The following CP variants were observed in gnomAD, a reference collection of about 807,000 sequenced individuals.
The protein encoded by CP is ceruloplasmin, also known as caeruloplasmin.
Under a neutral mutation model 122.4 loss-of-function variants are expected in CP, and 64 were observed. The observed-to-expected ratio is 0.52, with a 90% CI of 0.43 to 0.64. The LOEUF is 0.64. Among genes scored for constraint, CP ranks in the 30% least tolerant of loss-of-function variants. CP has a pLI of 0.00. For synonymous variants in CP, 440 were observed against 436.4 expected (o/e 1.01, Z -0.10); for missense variants, 1,167 against 1,284.4 (o/e 0.91, Z 1.40).
intron 3 of CP, among the ~76,000 whole-genome samples, chr3:149,209,594 G>C (rs1387629977): frequency 6.6e-6 from 1 of 152,152 alleles, no homozygotes; most frequent in Non-Finnish European, 1.5e-5. Flanking sequence ...TCCTGTGTCT[G>C]GATGTCCACT....
At chr3:149,164,864 A>G (rs1238965688) in intron 5 of CP, among the ~76,000 whole-genome samples, 1 of 152,146 alleles carries the variant, frequency 6.6e-6, no homozygotes, top group Non-Finnish European at 1.5e-5. Context: ...ATGCATCTTC[A>G]TCATTTGATT....
At chr3:149,168,928 T>C (rs552273699), downstream of CP, among the ~76,000 whole-genome samples, 2 of 152,284 alleles carry the variant, frequency 1.3e-5, no homozygotes, top group Admixed American at 6.5e-5. Flanking sequence ...CAGAAGACTC[T>C]TTCTTCATCC....
intron 9 of CP, among the ~76,000 whole-genome samples, chr3:149,189,423 G>A (rs1726396571): frequency 6.6e-6 from 1 of 150,630 alleles, no homozygotes; most frequent in Non-Finnish European, 1.5e-5. Flanking sequence ...GTGTGATGGC[G>A]GGCTCCTGTA....
intron 9 of CP, among the ~76,000 whole-genome samples, chr3:149,189,871 T>C (rs1157884519): frequency 6.6e-6 from 1 of 152,108 alleles, no homozygotes; most frequent in Non-Finnish European, 1.5e-5. Context: ...AAAAAGAATG[T>C]CATTTTTGAT....
chr3:149,181,976 A>AGGGGGGG, intron 14 of CP, 29 bp downstream of exon 14: 4 of 561,802 alleles, frequency 7.1e-6, no homozygotes, highest in Non-Finnish European at 1.3e-5. Context: ...GTTAAAATGC[A>AGGGGGGG]CCACCCCCAC....
intron 1 of CP, among the ~76,000 whole-genome samples, chr3:149,218,456 A>T (rs908556858): frequency 6.6e-6 from 1 of 152,118 alleles, no homozygotes; most frequent in African/African-American, 2.4e-5. Flanking sequence ...TTTAGAAATA[A>T]ATATTATTGG....
intron 18 of CP, chr3:149,175,847 G>A (rs1225516917): frequency 1.7e-5 from 3 of 173,312 alleles, no homozygotes; most frequent in African/African-American, 7.2e-5. Flanking sequence ...ATTATTTGGG[G>A]TTGTCTTGGG....
downstream of CP, chr3:149,167,776 C>A: frequency 1.4e-6 from 1 of 727,192 alleles, no homozygotes; most frequent in South Asian, 1.5e-5. Flanking sequence ...AGTTAGCTGC[C>A]TTAGACAAAA....
chr3:149,210,185 A>C lies in CP; in HGVS notation c.589T>G (p.Leu197Val), dbSNP rs762006576. Residue 197 changes from leucine to valine, a missense_variant, in exon 3 of 19, where the codon TTA becomes GTA. Physicochemically the swap from Leu to Val is conservative, Grantham distance 32. This residue lies in a region of CP where 642 missense variants were observed against 627.3 expected (regional missense o/e 1.02). Transcript: ENST00000264613. ...GATGTACCTTTTTTACAGATTATTAAAGGTCCGATGAGTCCTGAGGCAATA... is the reference window on the plus strand; with the variant it reads ...GATGTACCTTTTTTACAGATTATTACAGGTCCGATGAGTCCTGAGGCAATA... ...KDIASGLIGP[L>V]IICKKDSLDK... is the part of the protein sequence containing the mutation. 26 of 1,613,842 alleles carry C rather than the reference A, an allele frequency of 1.6e-5. No individual in the cohort carries two copies. The highest frequency in any genetic ancestry group is 2.0e-5 in the Non-Finnish European group (24 of 1,179,906).
rs73866997 is a variant in CP, at chr3:149,210,062, T to C, written c.607+105A>G. On this transcript the variant is annotated intron_variant, in intron 3 of 18. Transcript: ENST00000264613. Reference sequence around the variant, plus strand: ...TTTTCTACTTACCACCTCTCTACCTTACCTGCTCAATCTCAGCACAGAAGA... The same window carrying C: ...TTTTCTACTTACCACCTCTCTACCTCACCTGCTCAATCTCAGCACAGAAGA... The C allele has an allele frequency of 6.5e-4, 731 of 1,126,620 alleles. 4 individuals carry two copies. In the African/African-American group the frequency reaches 9.9e-3, roughly 15 times the overall value. 69.8% of individuals were successfully genotyped at this position (1,126,620 alleles called of 1,614,324 possible). A position where few individuals can be genotyped will look rare whatever the true frequency, so the allele number is the denominator to read the frequency against.
intron 9 of CP, among the ~76,000 whole-genome samples, chr3:149,196,815 G>A (rs1576757271): frequency 6.6e-6 from 1 of 152,280 alleles, no homozygotes; most frequent in African/African-American, 2.4e-5. Flanking sequence ...TCATTGTCAG[G>A]CCTCTGAGCC....
At chr3:149,197,059 C>T (rs956560298) in intron 9 of CP, among the ~76,000 whole-genome samples, 4 of 152,048 alleles carry the variant, frequency 2.6e-5, no homozygotes, top group Admixed American at 2.6e-4. Context: ...ACCTTGCGAC[C>T]CCCACTCCTG....
intron 1 of CP, among the ~76,000 whole-genome samples, chr3:149,220,336 AAT>A (rs1485164561): frequency 6.6e-6 from 1 of 152,054 alleles, no homozygotes; most frequent in Non-Finnish European, 1.5e-5. Context: ...TTATTTTTTT[AAT>A]GTGTCTGACT....
chr3:149,202,605 C>CTTTTTTTTTTTTTTTTT (rs34873592), intron 6 of CP, among the ~76,000 whole-genome samples: 1 of 106,814 alleles, frequency 9.4e-6, no homozygotes, highest in Non-Finnish European at 1.9e-5. Context: ...TGTTGTTTGT[C>CTTTTTTTTTTTTTTTTT]TTTTTTTTTT....
At chr3:149,192,852 T>G (rs1314293764) in intron 9 of CP, among the ~76,000 whole-genome samples, 1 of 152,012 alleles carries the variant, frequency 6.6e-6, no homozygotes. Context: ...CCTATGCCGT[T>G]TGTAAAAATT....
Position 149,207,628 on chromosome 3 carries a change from A to G in CP, c.782-11T>C. ...TGTATCCATTCACAGCTGTAAGTCA[A>G]GAGCAGAGTTTGTGACTAAGAGTCA... is the stretch of plus-strand genomic sequence containing the variant. On this transcript the variant is annotated splice_polypyrimidine_tract_variant and intron_variant, in intron 4 of 18. Coordinates refer to ENST00000264613, the MANE Select transcript of CP (RefSeq NM_000096.4). The G allele has an allele frequency of 6.2e-7, 1 of 1,613,726 alleles. No homozygotes were observed. The highest frequency in any genetic ancestry group is 8.5e-7 in the Non-Finnish European group (1 of 1,179,612).
chr3:149,212,055 A>G (rs1728134073), intron 2 of CP, among the ~76,000 whole-genome samples: 1 of 152,108 alleles, frequency 6.6e-6, no homozygotes, highest in African/African-American at 2.4e-5. Flanking sequence ...GCACTTTGGG[A>G]GGCTGAGGCG....
At chr3:149,181,980 C>T in intron 14 of CP, 25 bp downstream of exon 14, 1 of 515,886 alleles carries the variant, frequency 1.9e-6, no homozygotes, top group South Asian at 1.5e-5. Context: ...AAATGCACCA[C>T]CCCCACCCCC....
chr3:149,163,105 A>G (rs1724053569), intron 5 of CP, among the ~76,000 whole-genome samples: 1 of 152,128 alleles, frequency 6.6e-6, no homozygotes, highest in Non-Finnish European at 1.5e-5. Flanking sequence ...AATGTCCCTC[A>G]CTTAATTGCA....
Sources: gnomAD v4.1 joint callset for allele counts (sites outside exome capture counted in the v4.1 genomes callset) on GRCh38, gnomAD v4.1.1 for gene constraint, gnomAD v4.1.1 regional missense constraint, MANE v1.5 for transcripts, NCBI Gene and HGNC (gene_info 2026-07-23, HGNC 2026-07-21) for gene names.